BPIFB4: variants seen among roughly 807,000 people sequenced by gnomAD.
The protein encoded by BPIFB4 is BPI fold containing family B member 4, also known as BPI fold-containing family B member 4.
A neutral mutation model predicts 69.2 loss-of-function variants in BPIFB4; 62 were observed. That is an observed-to-expected ratio of 0.90 (90% confidence interval 0.73 to 1.11). The LOEUF (loss-of-function observed/expected upper bound fraction) is 1.11. BPIFB4 is among the 50% of genes least tolerant of loss of function. The probability of loss-of-function intolerance (pLI) is 0.00; values close to 1 mark genes in which losing one functional copy is unlikely to be tolerated. For missense variants in BPIFB4, 789 were observed against 792.0 expected, an observed-to-expected ratio of 1.00 and a Z score of 0.04; for synonymous variants, 330 against 332.7, an observed-to-expected ratio of 0.99 and a Z score of 0.09.
chr20:33,111,028 C>T (rs1371387212), intron 17 of BPIFB4, among the ~76,000 whole-genome samples: 1 of 152,036 alleles, frequency 6.6e-6, no homozygotes, highest in Non-Finnish European at 1.5e-5. Context: ...GTTGCCCAGG[C>T]TGGTCTCGAA....
intron 14 of BPIFB4, among the ~76,000 whole-genome samples, chr20:33,101,594 C>G (rs1205228301): frequency 6.6e-6 from 1 of 152,178 alleles, no homozygotes; most frequent in African/African-American, 2.4e-5. Context: ...CGCTCTGTTG[C>G]CCAGGCTAGA....
intron 13 of BPIFB4, 91 bp downstream of exon 13, chr20:33,097,878 T>C: frequency 7.5e-7 from 1 of 1,339,086 alleles, no homozygotes; most frequent in Non-Finnish European, 1.0e-6. Flanking sequence ...TCAAATCCCC[T>C]CAATCTCCAC....
At chr20:33,107,911 G>T (rs1982117529) in intron 17 of BPIFB4, 91 bp downstream of exon 17, 1 of 1,180,146 alleles carries the variant, frequency 8.5e-7, no homozygotes, top group Non-Finnish European at 1.3e-6. Flanking sequence ...ACTTGGAAGA[G>T]GAAGAGAAGA....
intron 7 of BPIFB4, among the ~76,000 whole-genome samples, chr20:33,086,423 G>T (rs1016809849): frequency 6.6e-6 from 1 of 152,186 alleles, no homozygotes; most frequent in African/African-American, 2.4e-5. Context: ...TGTCATTTGC[G>T]ACACACATTC....
chr20:33,090,428 A>T (rs1162126197), intron 9 of BPIFB4, among the ~76,000 whole-genome samples: 2 of 152,212 alleles, frequency 1.3e-5, no homozygotes, highest in Admixed American at 6.5e-5. Flanking sequence ...AACATCCAGG[A>T]TATTGCACCC....
At chr20:33,108,598 C>G (rs1169029215) in intron 17 of BPIFB4, among the ~76,000 whole-genome samples, 1 of 151,982 alleles carries the variant, frequency 6.6e-6, no homozygotes, top group Non-Finnish European at 1.5e-5. Context: ...AGTTCAAATC[C>G]TAACTCTGCC....
intron 5 of BPIFB4, 100 bp downstream of exon 5, chr20:33,083,974 G>GCC: frequency 7.3e-7 from 1 of 1,363,546 alleles, no homozygotes; most frequent in Middle Eastern, 2.6e-4. Context: ...GGTCTTCAGA[G>GCC]CCCCACACAC....
At chr20:33,105,353 C>T (rs770395619) in intron 16 of BPIFB4, among the ~76,000 whole-genome samples, 2 of 152,164 alleles carry the variant, frequency 1.3e-5, no homozygotes, top group Non-Finnish European at 2.9e-5. Context: ...GTTCCATTGG[C>T]GCAGATACAG....
chr20:33,083,927 G>A (rs1473698179), intron 5 of BPIFB4, 53 bp downstream of exon 5: 11 of 1,528,058 alleles, frequency 7.2e-6, no homozygotes, highest in South Asian at 1.3e-5. Flanking sequence ...TCCAAATGGG[G>A]GTGATCACTC....
At chr20:33,088,824 G>C (rs1024415674) in intron 7 of BPIFB4, 142 bp from the exon 8 acceptor site, 9 of 1,453,722 alleles carry the variant, frequency 6.2e-6, no homozygotes, top group African/African-American at 1.4e-5. Flanking sequence ...AAGGTACTCT[G>C]TCCTCCCAGC....
At chr20:33,107,885 T>G in intron 17 of BPIFB4, 65 bp downstream of exon 17, 1 of 1,390,620 alleles carries the variant, frequency 7.2e-7, no homozygotes, top group Non-Finnish European at 1.0e-6. Context: ...CTTTGACCAC[T>G]GCATTCAGGC....
At chr20:33,082,447 C>T (rs1231620006) in intron 3 of BPIFB4, among the ~76,000 whole-genome samples, 1 of 152,168 alleles carries the variant, frequency 6.6e-6, no homozygotes, top group Non-Finnish European at 1.5e-5. Context: ...GATTCTCCTG[C>T]CTCAGCCTCC....
Position 33,081,530 on chromosome 20 carries a change from T to G in BPIFB4, c.4T>G (p.Trp2Gly). ...TCCACAGGGAAGCAGTGCCAGCATG[T>G]GGATGGCCTGGTGTGTGGCTGCGCT... MWMAWCVAALSV... is the reference protein window; with the variant it reads MGMAWCVAALSV... The change falls in exon 3 of 18, where the codon TGG becomes GGG. Residue 2 changes from tryptophan to glycine, a missense_variant. Coordinates refer to ENST00000375483, the MANE Select transcript of BPIFB4 (RefSeq NM_182519.3). 1 of 1,551,684 alleles carries G rather than the reference T, an allele frequency of 6.4e-7. No individual in the cohort carries two copies. Among genetic ancestry groups the G allele is most frequent in the Non-Finnish European group, 8.7e-7 (1 of 1,147,000 alleles).
chr20:33,107,260 G>A (rs75054335), intron 16 of BPIFB4, among the ~76,000 whole-genome samples: 1 of 138,046 alleles, frequency 7.2e-6, no homozygotes, highest in Non-Finnish European at 1.6e-5. Context: ...AAGAAAAGAA[G>A]AGAAAAGAGA....
In BPIFB4 at chr20:33,100,457, A is replaced by T. The variant is rs930782388; in HGVS notation, c.1601A>T (p.Glu534Val). The stretch of plus-strand genomic sequence containing the variant: ...GAATTCTTGGCCTCATTTTCCACAG[A>T]AGGAGATAAGCTCATGATTGATGCC... ...DTEFLASFSTEGDKLMIDAKL... is the reference protein window; with the variant it reads ...DTEFLASFSTVGDKLMIDAKL... The change falls in exon 14 of 18, where the codon GAA (glutamate) becomes GTA (valine). Residue 534 changes from glutamate (E) to valine (V), a missense_variant. Glu to Val is a moderately radical substitution (Grantham distance 121). Around this residue, in one of 3 missense-constraint regions of BPIFB4, gnomAD observed 170 missense variants for 193.6 expected, o/e 0.88. Coordinates refer to ENST00000375483, the MANE Select transcript of BPIFB4 (RefSeq NM_182519.3). The T allele has an allele frequency of 3.1e-6, 5 of 1,607,234 alleles. No individual in the cohort carries two copies. The highest frequency in any genetic ancestry group is 1.7e-5 in the Admixed American group (1 of 60,016).
At chr20:33,094,580 C>A (rs1981703880) in intron 11 of BPIFB4, among the ~76,000 whole-genome samples, 1 of 151,020 alleles carries the variant, frequency 6.6e-6, no homozygotes. Context: ...GATGTTGGCT[C>A]ACTGCAACCT....
chr20:33,093,375 C>T (rs958533634), intron 11 of BPIFB4, among the ~76,000 whole-genome samples: 1 of 151,604 alleles, frequency 6.6e-6, no homozygotes, highest in Non-Finnish European at 1.5e-5. Context: ...ATCTATCCAG[C>T]CATCCAGCCA....
chr20:33,101,405 C>T (rs1981905226), intron 14 of BPIFB4, among the ~76,000 whole-genome samples: 2 of 152,208 alleles, frequency 1.3e-5, no homozygotes, highest in South Asian at 2.1e-4. Context: ...GGCCAACCAA[C>T]TTCACTCTGA....
intron 7 of BPIFB4, 152 bp downstream of exon 7, chr20:33,086,316 A>T: frequency 9.4e-7 from 1 of 1,063,990 alleles, no homozygotes; most frequent in Non-Finnish European, 1.3e-6. Flanking sequence ...AGCCAGCTGT[A>T]CTCTCACCTC....
Sources: gnomAD v4.1 joint callset for allele counts (sites outside exome capture counted in the v4.1 genomes callset) on GRCh38, gnomAD v4.1.1 for gene constraint, gnomAD v4.1.1 regional missense constraint, MANE v1.5 for transcripts, NCBI Gene and HGNC (gene_info 2026-07-23, HGNC 2026-07-21) for gene names.